EFR3A: variants seen among roughly 807,000 people sequenced by gnomAD.
EFR3A encodes EFR3 homolog A.
A neutral mutation model predicts 104.4 loss-of-function variants in EFR3A; 76 were observed. The ratio of observed to expected loss-of-function variants is 0.73; its 90% CI spans 0.60 to 0.88. The LOEUF (loss-of-function observed/expected upper bound fraction) is 0.88. Ranked by LOEUF, EFR3A falls within the 40% of genes least tolerant of loss-of-function variation. EFR3A has a pLI of 0.00. For missense variants in EFR3A, 985 were observed against 1,012.5 expected (o/e 0.97, Z 0.37); for synonymous variants, 330 against 330.0 (o/e 1.00, Z 0.00).
At chr8:131,968,218 T>C (rs1819860966) in intron 8 of EFR3A, 77 bp from the exon 9 acceptor site, 1 of 1,400,050 alleles carries the variant, frequency 7.1e-7, no homozygotes, top group Non-Finnish European at 9.7e-7. Flanking sequence ...ACGTGTCAGG[T>C]GTTTTTTTTA....
chr8:131,976,997 T>C, intron 11 of EFR3A, 44 bp from the exon 12 acceptor site: 1 of 1,332,364 alleles, frequency 7.5e-7, no homozygotes, highest in South Asian at 1.4e-5. Context: ...TGAAGTAATA[T>C]AAATGCTAAT....
At chr8:131,924,158 C>T (rs7015042) in intron 1 of EFR3A, 10,776 of 428,330 alleles carry the variant, frequency 0.025, 462 homozygotes, top group East Asian at 0.12. Context: ...TCATTTATTA[C>T]CAGAGTATGA....
At chr8:132,008,062 C>A (rs1358955910) in intron 22 of EFR3A, among the ~76,000 whole-genome samples, 2 of 151,876 alleles carry the variant, frequency 1.3e-5, no homozygotes, top group Non-Finnish European at 2.9e-5. Flanking sequence ...TTAGGACACA[C>A]AAAGTACTAA....
rs1822428327 is a variant in EFR3A at position 132,013,039 on chromosome 8, G to T, written c.*2144G>T. 1 of 152,208 alleles carries T rather than the reference G, an allele frequency of 6.6e-6. No individual in the cohort carries two copies. The highest frequency in any genetic ancestry group is 1.5e-5 in the Non-Finnish European group (1 of 68,006). The allele number at this position is 152,208 out of a possible 1,614,324, so 9.4% of individuals were successfully genotyped here. On this transcript the variant is annotated 3_prime_UTR_variant, in exon 23 of 23. Transcript: ENST00000254624. ...TCCCAAGAAATGGATCTTTTCACTG[G>T]CTGACTCTCCCATATCTGCAAGAGA...
rs1241627781 is a variant in EFR3A, at chr8:131,996,412, A to G, written c.2072A>G (p.Asp691Gly). 3 of 1,578,692 alleles carry G rather than the reference A, an allele frequency of 1.9e-6. No homozygotes were observed. The highest frequency in any genetic ancestry group is 2.4e-5 in the South Asian group (2 of 84,292). Residue 691 changes from aspartate to glycine, a missense_variant, in exon 19 of 23, where the codon GAT becomes GGT. Transcript: ENST00000254624. ...GAAAACAATTTTATTTTAGATGAAGATCGACTTTCTAGAAGAAAAAGCATT... is the reference window on the plus strand; with the variant it reads ...GAAAACAATTTTATTTTAGATGAAGGTCGACTTTCTAGAAGAAAAAGCATT... ...VPYVPQVTDE[D>G]RLSRRKSIVD...
chr8:131,915,847 C>T (rs922123628), intron 1 of EFR3A, among the ~76,000 whole-genome samples: 3 of 152,156 alleles, frequency 2.0e-5, no homozygotes, highest in African/African-American at 4.8e-5. Context: ...TGCACACCTG[C>T]GCATGGTAAT....
chr8:131,993,272 G>A (rs991835981), intron 18 of EFR3A, among the ~76,000 whole-genome samples: 7 of 152,126 alleles, frequency 4.6e-5, no homozygotes, highest in Middle Eastern at 3.4e-3. Context: ...GCTCAGACTC[G>A]CTGTACATAA....
intron 8 of EFR3A, among the ~76,000 whole-genome samples, chr8:131,966,003 T>C (rs1819701140): frequency 6.6e-6 from 1 of 152,016 alleles, no homozygotes; most frequent in African/African-American, 2.4e-5. Flanking sequence ...TAGGTGGGAA[T>C]TGAACAGTGA....
chr8:131,981,343 C>A (rs919063722), intron 14 of EFR3A, among the ~76,000 whole-genome samples: 1 of 151,968 alleles, frequency 6.6e-6, no homozygotes, highest in African/African-American at 2.4e-5. Flanking sequence ...GATTTTGAAT[C>A]CTTAAACTGT....
At chr8:131,938,271 A>G in intron 1 of EFR3A, 1 of 398,058 alleles carries the variant, frequency 2.5e-6, no homozygotes, top group Non-Finnish European at 4.4e-6. Flanking sequence ...GAAAAGCCTT[A>G]TGAATTTACT....
Position 131,955,779 on chromosome 8 carries a change from C to G in EFR3A, c.650C>G (p.Pro217Arg), listed in dbSNP as rs1484789494. The part of the protein sequence containing the change: ...KIEEVDSRIG[P>R]PSSPSATDKE... The stretch of plus-strand genomic sequence containing the variant: ...TCGTTCCTTTTTAGTCGCATAGGCC[C>G]TCCTTCTTCTCCTTCTGCAACTGAC... Residue 217 changes from proline (P) to arginine (R), a missense_variant, in exon 7 of 23, where the codon CCT becomes CGT. Transcript: ENST00000254624. 6.2e-7 allele frequency: 1 copy of G among 1,612,702 alleles called. No individual in the cohort carries two copies. The highest frequency in any genetic ancestry group is 8.5e-7 in the Non-Finnish European group (1 of 1,179,182).
rs569990434 is a variant in EFR3A at position 131,938,878 on chromosome 8, G to C, written c.11-1621G>C. On this transcript the variant is annotated intron_variant, in intron 1 of 22. Transcript: ENST00000254624. The stretch of plus-strand genomic sequence containing the variant: ...ATGATCATAACCCTCAGAGAGTTAC[G>C]ATAGGAGTGAGTGAATAATGTTGTA... Among the ~76,000 whole-genome samples, 11 of 152,156 alleles carry C rather than the reference G, an allele frequency of 7.2e-5. No homozygotes were observed. The South Asian group carries it at 1.2e-3, about 17-fold the overall frequency.
chr8:131,966,714 G>T (rs1563673051), intron 8 of EFR3A, among the ~76,000 whole-genome samples: 2 of 152,064 alleles, frequency 1.3e-5, no homozygotes, highest in South Asian at 4.1e-4. Context: ...GGGCGAGTTT[G>T]GCTCCAGGGC....
At chr8:131,947,878 TC>T (rs1201648545) in intron 4 of EFR3A, among the ~76,000 whole-genome samples, 1 of 152,188 alleles carries the variant, frequency 6.6e-6, no homozygotes, top group Non-Finnish European at 1.5e-5. Flanking sequence ...ATATGTTTAT[TC>T]TTTTTTAGAC....
At chr8:131,936,821 G>C (rs1451373302) in intron 1 of EFR3A, among the ~76,000 whole-genome samples, 1 of 152,144 alleles carries the variant, frequency 6.6e-6, no homozygotes, top group East Asian at 1.9e-4. Flanking sequence ...CTCCAGGTAA[G>C]TCACCCTCCG....
rs752391803 is a variant in EFR3A, at chr8:131,904,140, G to T, written c.-173G>T. 11 of 708,662 alleles carry T rather than the reference G, an allele frequency of 1.6e-5. No individual in the cohort carries two copies. Among genetic ancestry groups the T allele is most frequent in the Non-Finnish European group, 2.1e-5 (11 of 514,366 alleles). The allele number at this position is 708,662 out of a possible 1,614,324, so 43.9% of individuals were successfully genotyped here. On this transcript the variant is annotated 5_prime_UTR_variant, in exon 1 of 23. Transcript: ENST00000254624. ...GAGTGGGCTGGCGGCGGTAGCTGTC[G>T]CCCGCTTGGTTGCGTGACCGCGGGG...
At chr8:131,948,255 C>T (rs1007191373) in intron 4 of EFR3A, among the ~76,000 whole-genome samples, 54 of 152,094 alleles carry the variant, frequency 3.6e-4, no homozygotes, top group Non-Finnish European at 7.2e-4. Context: ...ACGCCTGTAC[C>T]GCTTTCTAGC....
chr8:131,992,708 A>G (rs1283404222), intron 18 of EFR3A, among the ~76,000 whole-genome samples: 1 of 152,192 alleles, frequency 6.6e-6, no homozygotes, highest in Non-Finnish European at 1.5e-5. Flanking sequence ...GACGAAGGGC[A>G]GGTAATGACA....
At chr8:131,988,632 A>G (rs1370145421) in intron 18 of EFR3A, among the ~76,000 whole-genome samples, 2 of 152,084 alleles carry the variant, frequency 1.3e-5, no homozygotes, top group African/African-American at 2.4e-5. Context: ...TTAGAGCTTT[A>G]TAATTTAAAA....
Sources: allele counts gnomAD v4.1 joint callset (sites outside exome capture counted in the v4.1 genomes callset), GRCh38; gene constraint gnomAD v4.1.1; transcripts MANE v1.5; gene names NCBI Gene and HGNC (gene_info 2026-07-23, HGNC 2026-07-21).